Variants in ZMAT4 observed in about 807,000 individuals in gnomAD.
The protein encoded by ZMAT4 is zinc finger matrin-type protein 4.
Under a neutral mutation model 28.7 loss-of-function variants are expected in ZMAT4, and 17 were observed. The observed-to-expected ratio is 0.59, with a 90% CI of 0.41 to 0.89. The LOEUF (loss-of-function observed/expected upper bound fraction) is 0.89, where lower values mean the gene tolerates loss of function less well. Ranked by LOEUF, ZMAT4 falls within the 40% of genes least tolerant of loss-of-function variation. ZMAT4 has a pLI of 0.00. For missense variants in ZMAT4, 240 were observed against 283.8 expected (o/e 0.85, Z 1.11); for synonymous variants, 117 against 109.2 (o/e 1.07, Z -0.44).
intron 5 of ZMAT4, among the ~76,000 whole-genome samples, chr8:40,594,928 A>G (rs1805037560): frequency 6.6e-6 from 1 of 152,230 alleles, no homozygotes; most frequent in Non-Finnish European, 1.5e-5. Context: ...TTTTGAAAAC[A>G]TGGAAGATAC....
intron 1 of ZMAT4, among the ~76,000 whole-genome samples, chr8:40,895,147 G>A (rs1179587827): frequency 1.8e-5 from 2 of 108,446 alleles, no homozygotes; most frequent in South Asian, 6.2e-4. Context: ...TCCCACCATA[G>A]TGGTTAAAAG....
chr8:40,785,937 A>C (rs1814057036), intron 2 of ZMAT4, among the ~76,000 whole-genome samples: 1 of 152,146 alleles, frequency 6.6e-6, no homozygotes, highest in Non-Finnish European at 1.5e-5. Flanking sequence ...ACTGGTTAAT[A>C]AGGGTGGAAA....
intron 3 of ZMAT4, among the ~76,000 whole-genome samples, chr8:40,763,246 C>T (rs570489486): frequency 1.2e-4 from 19 of 152,298 alleles, no homozygotes; most frequent in African/African-American, 4.6e-4. Flanking sequence ...TGCAGATGCT[C>T]GTTATCGTCT....
At chr8:40,860,746 C>A (rs1250038034) in intron 1 of ZMAT4, among the ~76,000 whole-genome samples, 1 of 152,240 alleles carries the variant, frequency 6.6e-6, no homozygotes, top group Non-Finnish European at 1.5e-5. Flanking sequence ...GACCCCTTGT[C>A]TGTTTGAAAT....
intron 3 of ZMAT4, among the ~76,000 whole-genome samples, chr8:40,730,558 T>C (rs532327248): frequency 1.5e-3 from 231 of 152,326 alleles, no homozygotes; most frequent in African/African-American, 5.4e-3. Flanking sequence ...ACTCATTCTA[T>C]GTTCTGTGTA....
At chr8:40,714,379 C>A (rs1426678072) in intron 3 of ZMAT4, among the ~76,000 whole-genome samples, 1 of 152,082 alleles carries the variant, frequency 6.6e-6, no homozygotes, top group African/African-American at 2.4e-5. Context: ...GTTGTGTATT[C>A]ATTATTAAAT....
chr8:40,677,977 C>T (rs1808981351), intron 4 of ZMAT4, among the ~76,000 whole-genome samples: 1 of 152,094 alleles, frequency 6.6e-6, no homozygotes, highest in South Asian at 2.1e-4. Flanking sequence ...CAGACTGTGC[C>T]CCAGATCAAT....
At chr8:40,664,445 C>G (rs1022713463) in intron 5 of ZMAT4, among the ~76,000 whole-genome samples, 1 of 152,206 alleles carries the variant, frequency 6.6e-6, no homozygotes, top group Admixed American at 6.5e-5. Flanking sequence ...GTTGCCACCA[C>G]CATGATCCAA....
chr8:40,729,839 C>T lies in ZMAT4; in HGVS notation c.193-32438G>A, dbSNP rs184953030. 4.8e-3 allele frequency among the ~76,000 whole-genome samples: 734 copies of T among 152,156 alleles called. 6 individuals carry two copies. Among genetic ancestry groups the T allele is most frequent in the African/African-American group, 0.017 (697 of 41,522 alleles). On this transcript the variant is annotated intron_variant, in intron 3 of 6. Coordinates refer to ENST00000297737, the MANE Select transcript of ZMAT4 (RefSeq NM_024645.3). The stretch of plus-strand genomic sequence containing the variant: ...GTCTCAATCTCTTGACCTTGTGATC[C>T]GCCTGCCTTGGCCTCCCAAAGTGCT...
intron 2 of ZMAT4, among the ~76,000 whole-genome samples, chr8:40,822,729 C>T (rs1217585991): frequency 6.6e-6 from 1 of 152,184 alleles, no homozygotes; most frequent in Non-Finnish European, 1.5e-5. Flanking sequence ...GAATGCACAG[C>T]TCTTTCTCAC....
intron 1 of ZMAT4, among the ~76,000 whole-genome samples, chr8:40,840,296 C>T (rs960849780): frequency 3.3e-5 from 5 of 152,178 alleles, no homozygotes; most frequent in African/African-American, 9.7e-5. Context: ...GTCAGTGCAA[C>T]ACAACATGGA....
chr8:40,817,887 C>T (rs1451099609), intron 2 of ZMAT4, among the ~76,000 whole-genome samples: 1 of 152,242 alleles, frequency 6.6e-6, no homozygotes, highest in Non-Finnish European at 1.5e-5. Context: ...AAATCCATTT[C>T]CTTTTACCCA....
chr8:40,747,061 ACC>A (rs1470135160), intron 3 of ZMAT4, among the ~76,000 whole-genome samples: 3 of 152,126 alleles, frequency 2.0e-5, no homozygotes, highest in Admixed American at 2.0e-4. Flanking sequence ...GAGGGCAGGG[ACC>A]CTTCCCGGCT....
intron 4 of ZMAT4, among the ~76,000 whole-genome samples, chr8:40,696,408 C>G (rs1285765878): frequency 6.6e-6 from 1 of 152,274 alleles, no homozygotes; most frequent in East Asian, 1.9e-4. Context: ...ATAAAATGTA[C>G]TGCTAAATTT....
intron 1 of ZMAT4, among the ~76,000 whole-genome samples, chr8:40,849,102 C>T (rs530629250): frequency 2.6e-5 from 4 of 152,354 alleles, no homozygotes; most frequent in African/African-American, 4.8e-5. Context: ...CAGAAGTTCC[C>T]GGGTCAGGCC....
intron 5 of ZMAT4, among the ~76,000 whole-genome samples, chr8:40,584,172 G>A (rs147539951): frequency 6.6e-5 from 10 of 152,158 alleles, no homozygotes; most frequent in South Asian, 4.2e-4. Context: ...GAATCAATTC[G>A]CACTTCCTGC....
At chr8:40,534,352 A>C (rs1233423908) in intron 6 of ZMAT4, among the ~76,000 whole-genome samples, 1 of 152,254 alleles carries the variant, frequency 6.6e-6, no homozygotes, top group Non-Finnish European at 1.5e-5. Flanking sequence ...ACTGCTATTA[A>C]TAAACACGCA....
intron 6 of ZMAT4, among the ~76,000 whole-genome samples, chr8:40,545,124 A>C (rs1283472190): frequency 6.6e-6 from 1 of 152,000 alleles, no homozygotes; most frequent in Admixed American, 6.6e-5. Flanking sequence ...TGAGACCCTC[A>C]TTCCAACAAC....
chr8:40,887,209 G>A (rs1028504439), intron 1 of ZMAT4, among the ~76,000 whole-genome samples: 4 of 146,880 alleles, frequency 2.7e-5, no homozygotes, highest in Non-Finnish European at 6.0e-5. Flanking sequence ...GGCCAGGCAC[G>A]GTGGCTCACG....
Sources: gnomAD v4.1 joint callset for allele counts (sites outside exome capture counted in the v4.1 genomes callset) on GRCh38, gnomAD v4.1.1 for gene constraint, MANE v1.5 for transcripts, NCBI Gene and HGNC (gene_info 2026-07-23, HGNC 2026-07-21) for gene names.